The following TENM4 variants were observed in gnomAD, a reference collection of about 807,000 sequenced individuals.
TENM4 encodes teneurin transmembrane protein 4.
Under a neutral mutation model 243.3 loss-of-function variants are expected in TENM4, and 82 were observed. The observed-to-expected ratio is 0.34, with a 90% CI of 0.28 to 0.40. TENM4 has a LOEUF of 0.40. Ranked by LOEUF, TENM4 falls within the 10% of genes least tolerant of loss-of-function variation. TENM4 has a pLI of 1.00. For missense variants in TENM4, 3,138 were observed against 3,673.3 expected, an observed-to-expected ratio of 0.85 and a Z score of 3.77; for synonymous variants, 1,412 against 1,456.3, an observed-to-expected ratio of 0.97 and a Z score of 0.69.
chr11:79,057,014 C>A (rs1332465213), intron 6 of TENM4, among the ~76,000 whole-genome samples: 1 of 152,166 alleles, frequency 6.6e-6, no homozygotes, highest in Non-Finnish European at 1.5e-5. Context: ...TATCCCCATC[C>A]ACAGGTACAG....
intron 1 of TENM4, among the ~76,000 whole-genome samples, chr11:79,424,867 G>A (rs1187699101): frequency 6.7e-6 from 1 of 149,364 alleles, no homozygotes; most frequent in Non-Finnish European, 1.5e-5. Context: ...CTGGGAGGCA[G>A]AGCTTGCAGT....
chr11:79,031,672 A>G (rs1398811905), intron 6 of TENM4, among the ~76,000 whole-genome samples: 1 of 152,190 alleles, frequency 6.6e-6, no homozygotes, highest in Non-Finnish European at 1.5e-5. Context: ...CTGTGGAAGG[A>G]CAGTGGGACT....
chr11:79,364,102 C>T (rs1433081664), intron 1 of TENM4, among the ~76,000 whole-genome samples: 2 of 152,132 alleles, frequency 1.3e-5, no homozygotes, highest in African/African-American at 4.8e-5. Flanking sequence ...CTTTGGGTGA[C>T]CCTTATTTTA....
intron 1 of TENM4, among the ~76,000 whole-genome samples, chr11:79,366,619 TG>T (rs1261759047): frequency 1.3e-5 from 2 of 152,212 alleles, no homozygotes; most frequent in Non-Finnish European, 2.9e-5. Context: ...ATTTTCTCTT[TG>T]GGCACTAACA....
intron 6 of TENM4, among the ~76,000 whole-genome samples, chr11:79,031,741 G>T (rs1349261737): frequency 6.6e-6 from 1 of 152,204 alleles, no homozygotes; most frequent in Non-Finnish European, 1.5e-5. Context: ...CCTCCCTTAA[G>T]ACTTGGTGCC....
At chr11:78,965,079 G>T (rs1486232191) in intron 6 of TENM4, among the ~76,000 whole-genome samples, 1 of 151,952 alleles carries the variant, frequency 6.6e-6, no homozygotes, top group Non-Finnish European at 1.5e-5. Context: ...TTTTGGCCAG[G>T]CTGGTCTCGA....
chr11:78,913,101 T>C (rs1347207767), intron 6 of TENM4, among the ~76,000 whole-genome samples: 3 of 152,178 alleles, frequency 2.0e-5, no homozygotes, highest in Non-Finnish European at 4.4e-5. Flanking sequence ...GCTTACAAAA[T>C]ATGTGCACAG....
At chr11:79,413,437 C>T (rs561990154) in intron 1 of TENM4, among the ~76,000 whole-genome samples, 5 of 152,326 alleles carry the variant, frequency 3.3e-5, no homozygotes, top group South Asian at 4.1e-4. Context: ...CTCCCTGGCA[C>T]GCTCCATCCT....
chr11:78,904,157 G>A (rs551307202), intron 6 of TENM4, among the ~76,000 whole-genome samples: 2 of 151,948 alleles, frequency 1.3e-5, no homozygotes, highest in Non-Finnish European at 2.9e-5. Context: ...TCAGGAGATC[G>A]AGACCATCCT....
At chr11:78,889,716 A>C in intron 9 of TENM4, 69 bp downstream of exon 9, 2 of 1,465,466 alleles carry the variant, frequency 1.4e-6, no homozygotes, top group Non-Finnish European at 1.9e-6. Flanking sequence ...TTCAGTGCCC[A>C]CACGTGTCTT....
Position 78,891,289 on chromosome 11 carries a change from A to G in TENM4, c.797T>C (p.Ile266Thr), listed in dbSNP as rs963362845. 13 of 1,551,568 alleles carry G rather than the reference A, an allele frequency of 8.4e-6. No individual in the cohort carries two copies. Among genetic ancestry groups the G allele is most frequent in the East Asian group, 4.9e-5 (2 of 40,920 alleles). ...GGAGGCGCCGAGAATGTCCATCTCA[A>G]TGAGGTTGTCCTGCAATGTCCCTAG... ...PFLGTLQDNL[I>T]EMDILGASRH... The change falls in exon 8 of 34, where the codon ATT becomes ACT. Residue 266 changes from isoleucine (I) to threonine (T), a missense_variant. By Grantham distance (89) the Ile-to-Thr change is moderately conservative. Around this residue, in one of 2 missense-constraint regions of TENM4, gnomAD observed 671 missense variants for 614.1 expected, o/e 1.09. Transcript: ENST00000278550.
intron 19 of TENM4, among the ~76,000 whole-genome samples, chr11:78,745,962 T>C (rs915907969): frequency 1.3e-5 from 2 of 152,202 alleles, no homozygotes; most frequent in East Asian, 3.9e-4. Flanking sequence ...TCCCTTTTTT[T>C]ATTTTTTTGA....
At chr11:79,399,861 C>T (rs562801265) in intron 1 of TENM4, among the ~76,000 whole-genome samples, 2 of 152,086 alleles carry the variant, frequency 1.3e-5, no homozygotes, top group East Asian at 1.9e-4. Context: ...TGTTGTTGTG[C>T]GGATTAAGTG....
chr11:78,730,573 G>A (rs1368595760), intron 21 of TENM4, among the ~76,000 whole-genome samples: 1 of 152,210 alleles, frequency 6.6e-6, no homozygotes, highest in Admixed American at 6.5e-5. Context: ...TGGGTGCAAT[G>A]AGCCTAGTTC....
chr11:78,691,572 GT>G (rs923974005), intron 28 of TENM4, among the ~76,000 whole-genome samples: 12 of 152,194 alleles, frequency 7.9e-5, no homozygotes, highest in African/African-American at 2.9e-4. Flanking sequence ...TCTCACTAGA[GT>G]TTTAGTCTTG....
intron 4 of TENM4, among the ~76,000 whole-genome samples, chr11:79,104,558 G>T (rs1200071634): frequency 1.3e-5 from 2 of 152,148 alleles, no homozygotes; most frequent in Non-Finnish European, 2.9e-5. Flanking sequence ...TTTAAAGGAG[G>T]CATGCTATTT....
At chr11:79,281,971 C>G (rs993086536) in intron 2 of TENM4, among the ~76,000 whole-genome samples, 6 of 152,198 alleles carry the variant, frequency 3.9e-5, no homozygotes, top group African/African-American at 1.4e-4. Flanking sequence ...GCCTGGAAGG[C>G]CCTGTCCCAC....
intron 3 of TENM4, among the ~76,000 whole-genome samples, chr11:79,153,772 C>G (rs189205037): frequency 2.6e-5 from 4 of 152,008 alleles, no homozygotes; most frequent in African/African-American, 9.7e-5. Context: ...TATACCATTG[C>G]TCATGCTGTG....
chr11:78,858,815 GTAA>G (rs1858742993), intron 10 of TENM4, among the ~76,000 whole-genome samples: 1 of 152,138 alleles, frequency 6.6e-6, no homozygotes, highest in South Asian at 2.1e-4. Context: ...GATAAAAATA[GTAA>G]TAGATTTTAA....
Sources: allele counts gnomAD v4.1 joint callset (sites outside exome capture counted in the v4.1 genomes callset), GRCh38; gene constraint gnomAD v4.1.1; regional missense constraint gnomAD v4.1.1; transcripts MANE v1.5; gene names NCBI Gene and HGNC (gene_info 2026-07-23, HGNC 2026-07-21).